The following POFUT2 variants were observed in gnomAD, a reference collection of about 807,000 sequenced individuals.
The protein encoded by POFUT2 is protein O-fucosyltransferase 2.
POFUT2 carries 30 observed loss-of-function variants against 55.0 expected under a neutral mutation model. The observed-to-expected ratio is 0.55, with a 90% CI of 0.41 to 0.74. The LOEUF is 0.74. Ranked by LOEUF, POFUT2 falls within the 30% of genes least tolerant of loss-of-function variation. POFUT2 has a pLI of 0.00. For missense variants in POFUT2, 524 were observed against 562.6 expected, an observed-to-expected ratio of 0.93 and a Z score of 0.69; for synonymous variants, 267 against 231.1, an observed-to-expected ratio of 1.16 and a Z score of -1.41.
chr21:45,282,609 C>G lies in POFUT2; in HGVS notation c.528-150G>C, dbSNP rs553758106. 1 of 673,492 alleles carries G rather than the reference C, an allele frequency of 1.5e-6. No individual in the cohort carries two copies. Among genetic ancestry groups the G allele is most frequent in the South Asian group, 1.6e-5 (1 of 61,672 alleles). The allele number at this position is 673,492 out of a possible 1,614,324, so 41.7% of individuals were successfully genotyped here. ...TACTGATCGTGACTGCAGATCGTGA[C>G]ATTCTAGTAAAATTTTAAAAGAAGC... On this transcript the variant is annotated intron_variant, in intron 3 of 8. Transcript: ENST00000349485. This position sits in a 1 kb window ranked among gnomAD's most constrained non-coding sequence, Gnocchi z 4.6.
chr21:45,267,207 G>A lies in POFUT2; in HGVS notation c.1136+383C>T, dbSNP rs2093163874. On this transcript the variant is annotated intron_variant, in intron 8 of 8. Coordinates refer to ENST00000349485, the MANE Select transcript of POFUT2 (RefSeq NM_133635.6). This position sits in a 1 kb window ranked among gnomAD's most constrained non-coding sequence, Gnocchi z 4.4. ...GCTCCCGGCCTCGGGGACGCTCACG[G>A]ATGCTCAACAACACAGCAACAAGGA... The A allele has an allele frequency of 7.2e-7, 1 of 1,396,850 alleles. No homozygotes were observed. The highest frequency in any genetic ancestry group is 9.3e-7 in the Non-Finnish European group (1 of 1,076,946). The allele number at this position is 1,396,850 out of a possible 1,614,324, so 86.5% of individuals were successfully genotyped here.
Position 45,270,068 on chromosome 21 carries a change from G to A in POFUT2, c.832-49C>T, listed in dbSNP as rs773308904. ...GCAGAAGCTGACAGGCGGGCTCGGG[G>A]CTCATCCTGGGCACCGGGTGGGACT... On this transcript the variant is annotated intron_variant, in intron 6 of 8. Coordinates refer to ENST00000349485, the MANE Select transcript of POFUT2 (RefSeq NM_133635.6). This position sits in a 1 kb window ranked among gnomAD's most constrained non-coding sequence, Gnocchi z 4.6. 4 of 1,442,750 alleles carry A rather than the reference G, an allele frequency of 2.8e-6. No individual in the cohort carries two copies. Among genetic ancestry groups the A allele is most frequent in the Non-Finnish European group, 3.7e-6 (4 of 1,091,452 alleles). 89.4% of individuals were successfully genotyped at this position (1,442,750 alleles called of 1,614,324 possible).
chr21:45,277,276 G>A lies in POFUT2; in HGVS notation c.706-134C>T, dbSNP rs773232446. ...CCCCTCAGACACGTCATCCACGGTCGCCTGAGAAGCAGCGCCATCCACGGT... is the reference window on the plus strand; with the variant it reads ...CCCCTCAGACACGTCATCCACGGTCACCTGAGAAGCAGCGCCATCCACGGT... On this transcript the variant is annotated intron_variant, in intron 5 of 8. Transcript: ENST00000349485. The surrounding 1 kb of genome is among the most constrained non-coding windows in gnomAD (Gnocchi z 6.9). 6.6e-6 allele frequency: 8 copies of A among 1,210,934 alleles called. No individual in the cohort carries two copies. The highest frequency in any genetic ancestry group is 4.9e-5 in the Admixed American group (2 of 40,578). 75.0% of individuals were successfully genotyped at this position (1,210,934 alleles called of 1,614,324 possible).
chr21:45,283,402 C>T lies in POFUT2; in HGVS notation c.508G>A (p.Asp170Asn). Reference protein sequence around the residue: ...PCIDQLLYSQDKHEYYRGWFW... With the variant: ...PCIDQLLYSQNKHEYYRGWFW... ...AGGCACCTGTAGTACTCGTGCTTGT[C>T]CTGGGAGTACAGGAGCTGATCAATA... The change falls in exon 3 of 9, where the codon GAC (aspartate) becomes AAC (asparagine). Residue 170 changes from aspartate (D) to asparagine (N), a missense_variant. Asp to Asn is a conservative substitution (Grantham distance 23). Coordinates refer to ENST00000349485, the MANE Select transcript of POFUT2 (RefSeq NM_133635.6). The T allele has an allele frequency of 6.2e-7, 1 of 1,610,910 alleles. No individual in the cohort carries two copies. The highest frequency in any genetic ancestry group is 1.1e-5 in the South Asian group (1 of 90,938).
Position 45,278,227 on chromosome 21 carries a change from C to A in POFUT2, c.639-58G>T, listed in dbSNP as rs1228510512. 8 of 1,426,810 alleles carry A rather than the reference C, an allele frequency of 5.6e-6. No homozygotes were observed. The African/African-American group carries it at 9.8e-5, about 18-fold the overall frequency. The allele number at this position is 1,426,810 out of a possible 1,614,324, so 88.4% of individuals were successfully genotyped here. On this transcript the variant is annotated intron_variant, in intron 4 of 8. Transcript: ENST00000349485. ...TAAGAGTTAAGGATGATGACATTCACACTCTCAGAGCACAAACTGGGAGAA... is the reference window on the plus strand; with the variant it reads ...TAAGAGTTAAGGATGATGACATTCAAACTCTCAGAGCACAAACTGGGAGAA...
rs2146650202 is a variant in POFUT2 at position 45,281,535 on chromosome 21, C to T, written c.638+814G>A. On this transcript the variant is annotated intron_variant, in intron 4 of 8. Coordinates refer to ENST00000349485, the MANE Select transcript of POFUT2 (RefSeq NM_133635.6). The surrounding 1 kb of genome is among the most constrained non-coding windows in gnomAD (Gnocchi z 5.0). Reference sequence around the variant, plus strand: ...ACCATGTGGTCCCGGCCCGCTGGGGCCAGCGGCAGCTGTTACTGACCAGGG... The same window carrying T: ...ACCATGTGGTCCCGGCCCGCTGGGGTCAGCGGCAGCTGTTACTGACCAGGG... 6.6e-6 allele frequency among the ~76,000 whole-genome samples: 1 copy of T among 152,164 alleles called. No individual in the cohort carries two copies. The highest frequency in any genetic ancestry group is 1.5e-5 in the Non-Finnish European group (1 of 67,996).
At position 45,267,439 on chromosome 21, in the gene POFUT2, G is replaced by A. The variant is rs763832357; in HGVS notation, c.1136+151C>T. 1.2e-6 allele frequency: 2 copies of A among 1,612,904 alleles called. No homozygotes were observed. The highest frequency in any genetic ancestry group is 1.3e-5 in the African/African-American group (1 of 74,914). On this transcript the variant is annotated intron_variant, in intron 8 of 8. Transcript: ENST00000349485. The surrounding 1 kb of genome is among the most constrained non-coding windows in gnomAD (Gnocchi z 4.4). ...AGCCCAGGGAAACACTGAACCAGATGCTACAGGAGACTCAGACGAGGAGGC... is the reference window on the plus strand; with the variant it reads ...AGCCCAGGGAAACACTGAACCAGATACTACAGGAGACTCAGACGAGGAGGC...
Position 45,284,687 on chromosome 21 carries a change from T to C in POFUT2, c.382+991A>G, listed in dbSNP as rs2031179251. Among the ~76,000 whole-genome samples, 1 of 152,232 alleles carries C rather than the reference T, an allele frequency of 6.6e-6. No homozygotes were observed. The highest frequency in any genetic ancestry group is 1.5e-5 in the Non-Finnish European group (1 of 68,042). On this transcript the variant is annotated intron_variant, in intron 2 of 8. Transcript: ENST00000349485. The surrounding 1 kb of genome is among the most constrained non-coding windows in gnomAD (Gnocchi z 5.8). The stretch of plus-strand genomic sequence containing the variant: ...CAAAGGGAGGTAAGGATAGCATCTC[T>C]GGGTTCCTATAACCCAATGTTCAGA...
intron 8 of POFUT2, chr21:45,266,328 T>C: frequency 1.5e-6 from 2 of 1,358,124 alleles, no homozygotes; most frequent in South Asian, 1.1e-5. Context: ...CAGGCCTGTA[T>C]GCTGCTGCGG....
chr21:45,268,950 G>A lies in POFUT2; in HGVS notation c.1012+889C>T, dbSNP rs562111317. Among the ~76,000 whole-genome samples the A allele has an allele frequency of 1.6e-3, 164 of 103,734 alleles. 4 individuals are homozygous for A. Among genetic ancestry groups the A allele is most frequent in the African/African-American group, 6.7e-3 (153 of 22,804 alleles). The allele number at this position is 103,734 out of a possible 152,430, so 68.1% of individuals were successfully genotyped here. A position where few individuals can be genotyped will look rare whatever the true frequency, so the allele number is the denominator to read the frequency against. On this transcript the variant is annotated intron_variant, in intron 7 of 8. Transcript: ENST00000349485. ...CCGCCTGGCCAGCCGCCCCGTCCGG[G>A]AGGTGAGGGGCGCCTCTGCCCGGCC...
intron 6 of POFUT2, among the ~76,000 whole-genome samples, chr21:45,272,305 G>A (rs913892261): frequency 4.6e-5 from 7 of 152,164 alleles, no homozygotes; most frequent in African/African-American, 1.7e-4. Flanking sequence ...AGTTAAAAAA[G>A]ATGGAGGAAC....
At chr21:45,283,330 GC>G in intron 3 of POFUT2, 52 bp downstream of exon 3, 1 of 1,123,732 alleles carries the variant, frequency 8.9e-7, no homozygotes, top group South Asian at 1.5e-5. Context: ...GACGCATGCG[GC>G]AGGGGGAGGT....
rs1358781016 is a variant in POFUT2 at position 45,284,466 on chromosome 21, C to A, written c.383-939G>T. On this transcript the variant is annotated intron_variant, in intron 2 of 8. Transcript: ENST00000349485. The surrounding 1 kb of genome is among the most constrained non-coding windows in gnomAD (Gnocchi z 5.8). ...TGGCAGCCTCGCCCTAGGACAGGCA[C>A]CCAGTTCCTTCCCCACCTCACAGGC... 2.6e-5 allele frequency among the ~76,000 whole-genome samples: 4 copies of A among 152,190 alleles called. No individual in the cohort carries two copies. The highest frequency in any genetic ancestry group is 5.9e-5 in the Non-Finnish European group (4 of 68,028).
chr21:45,284,925 G>A lies in POFUT2; in HGVS notation c.382+753C>T, dbSNP rs1040944697. Among the ~76,000 whole-genome samples, 1 of 152,172 alleles carries A rather than the reference G, an allele frequency of 6.6e-6. No individual in the cohort carries two copies. Among genetic ancestry groups the A allele is most frequent in the African/African-American group, 2.4e-5 (1 of 41,442 alleles). On this transcript the variant is annotated intron_variant, in intron 2 of 8. Transcript: ENST00000349485. The surrounding 1 kb of genome is among the most constrained non-coding windows in gnomAD (Gnocchi z 5.8). ...CACTCACAAGACTGACCTTGACACA[G>A]AAAACATTTCAGAGTGACAAGATCT...
rs988171922 is a variant in POFUT2 at position 45,266,017 on chromosome 21, C to T, written c.1137-382G>A. 16 of 1,211,900 alleles carry T rather than the reference C, an allele frequency of 1.3e-5. No individual in the cohort carries two copies. The highest frequency in any genetic ancestry group is 1.5e-5 in the Non-Finnish European group (14 of 951,536). The allele number at this position is 1,211,900 out of a possible 1,614,324, so 75.1% of individuals were successfully genotyped here. On this transcript the variant is annotated intron_variant, in intron 8 of 8. Transcript: ENST00000349485. ...CATGGTGAACAATGAGAGATTCCTA[C>T]TAACCACACACTGTCTAGCCAGGGC...
chr21:45,279,249 G>A (rs545010829), intron 4 of POFUT2, among the ~76,000 whole-genome samples: 7 of 152,008 alleles, frequency 4.6e-5, no homozygotes, highest in Non-Finnish European at 7.4e-5. Context: ...AAAATTAGCC[G>A]GGCGCGGTGG....
rs2030592954 is a variant in POFUT2 at position 45,281,174 on chromosome 21, G to A, written c.638+1175C>T. Among the ~76,000 whole-genome samples the A allele has an allele frequency of 6.6e-6, 1 of 152,074 alleles. No individual in the cohort carries two copies. The highest frequency in any genetic ancestry group is 2.1e-4 in the South Asian group (1 of 4,814). Reference sequence around the variant, plus strand: ...CTGCGCCTTTTCCCCCTGCTCCCCGGCAGAAGCGTTTCTCCTAAATCAGGA... The same window carrying A: ...CTGCGCCTTTTCCCCCTGCTCCCCGACAGAAGCGTTTCTCCTAAATCAGGA... On this transcript the variant is annotated intron_variant, in intron 4 of 8. Transcript: ENST00000349485. The surrounding 1 kb of genome is among the most constrained non-coding windows in gnomAD (Gnocchi z 5.0).
At chr21:45,278,611 T>A (rs531415835) in intron 4 of POFUT2, among the ~76,000 whole-genome samples, 1 of 152,202 alleles carries the variant, frequency 6.6e-6, no homozygotes, top group Non-Finnish European at 1.5e-5. Flanking sequence ...CGGAGCTGCA[T>A]CTGTTCCGTG....
At chr21:45,268,818 G>C (rs2093185464) in intron 7 of POFUT2, among the ~76,000 whole-genome samples, 3 of 146,174 alleles carry the variant, frequency 2.1e-5, no homozygotes, top group African/African-American at 7.8e-5. Context: ...AGGTGGGGGG[G>C]TCAGCCCTCC....
Sources: gnomAD v4.1 joint callset for allele counts (sites outside exome capture counted in the v4.1 genomes callset) on GRCh38, gnomAD v4.1.1 for gene constraint, Gnocchi (gnomAD v3.1) non-coding constraint, MANE v1.5 for transcripts, NCBI Gene and HGNC (gene_info 2026-07-23, HGNC 2026-07-21) for gene names.